TRAPPC9: variants seen among roughly 807,000 people sequenced by gnomAD.
TRAPPC9 encodes the protein trafficking protein particle complex subunit 9, also known as IKK2 binding protein.
In TRAPPC9, 83 loss-of-function variants were observed where a neutral mutation model predicts 124.0. The ratio of observed to expected loss-of-function variants is 0.67; its 90% CI spans 0.56 to 0.80. The LOEUF is 0.80. Ranked by LOEUF, TRAPPC9 falls within the 30% of genes least tolerant of loss-of-function variation. The pLI is 0.00. For missense variants in TRAPPC9, 1,302 were observed against 1,508.3 expected, an observed-to-expected ratio of 0.86 and a Z score of 2.27; for synonymous variants, 638 against 617.5, an observed-to-expected ratio of 1.03 and a Z score of -0.49.
In TRAPPC9 at chr8:139,937,044, TGG is replaced by T. The variant is rs879381265; in HGVS notation, c.2811-26746_2811-26745del. Among the ~76,000 whole-genome samples the T allele has an allele frequency of 6.0e-5, 8 of 133,478 alleles. 1 individual carries two copies. The highest frequency in any genetic ancestry group is 5.0e-4 in the South Asian group (2 of 4,012). 87.6% of individuals were successfully genotyped at this position (133,478 alleles called of 152,430 possible). ...AGTGTGGTATAAAGCATGGAGAGAG[TGG>T]GGAGTGGGCACTGCAGTGTGGTATA... On this transcript the variant is annotated intron_variant, in intron 19 of 22. Coordinates refer to ENST00000438773, the MANE Select transcript of TRAPPC9 (RefSeq NM_001160372.4).
rs114033076 is a variant in TRAPPC9, at chr8:140,353,456, C to G, written c.1495+6594G>C. ...GTAGCAGAGCCTACATATGGTTGAA[C>G]CTTACTCGCTCACCTGGGGCTTTTG... On this transcript the variant is annotated intron_variant, in intron 9 of 22. Transcript: ENST00000438773. The surrounding 1 kb of genome is among the most constrained non-coding windows in gnomAD (Gnocchi z 4.2). 0.037 allele frequency among the ~76,000 whole-genome samples: 5,596 copies of G among 152,286 alleles called. 218 individuals carry two copies. The highest frequency in any genetic ancestry group is 0.1 in the African/African-American group (4,187 of 41,530).
chr8:139,807,598 G>A (rs767563857), intron 21 of TRAPPC9, among the ~76,000 whole-genome samples: 14 of 152,196 alleles, frequency 9.2e-5, no homozygotes, highest in Non-Finnish European at 1.3e-4. Context: ...AACCACCGGC[G>A]GAGGCACTGC....
intron 17 of TRAPPC9, among the ~76,000 whole-genome samples, chr8:140,183,979 GGAGGGA>G (rs2062289639): frequency 7.6e-6 from 1 of 131,928 alleles, no homozygotes; most frequent in Non-Finnish European, 1.6e-5. Flanking sequence ...GGAGGAGGGA[GGAGGGA>G]GGAGGGAGGA....
At position 139,905,924 on chromosome 8, in the gene TRAPPC9, C is replaced by T. The variant is rs558051326; in HGVS notation, c.2964+4223G>A. ...TATGGCCAACATGGTGAAACTCTGTCTCTACTAAAATACAAAAAAATTAGC... is the reference window on the plus strand; with the variant it reads ...TATGGCCAACATGGTGAAACTCTGTTTCTACTAAAATACAAAAAAATTAGC... On this transcript the variant is annotated intron_variant, in intron 20 of 22. Coordinates refer to ENST00000438773, the MANE Select transcript of TRAPPC9 (RefSeq NM_001160372.4). 2.6e-5 allele frequency among the ~76,000 whole-genome samples: 4 copies of T among 151,906 alleles called. No individual in the cohort carries two copies. The East Asian group carries it at 7.8e-4, about 30-fold the overall frequency.
At chr8:140,355,844 G>C (rs1224235193) in intron 9 of TRAPPC9, among the ~76,000 whole-genome samples, 1 of 152,196 alleles carries the variant, frequency 6.6e-6, no homozygotes, top group Non-Finnish European at 1.5e-5. Context: ...TATATTAAAA[G>C]AGCCTCCAAT....
chr8:139,758,091 A>C (rs1336660986), intron 21 of TRAPPC9, among the ~76,000 whole-genome samples: 1 of 152,198 alleles, frequency 6.6e-6, no homozygotes, highest in East Asian at 1.9e-4. Context: ...AAAACAAATT[A>C]ATCTTTGTCT....
chr8:140,044,273 C>CAA lies in TRAPPC9; in HGVS notation c.2557-20196_2557-20195dup, dbSNP rs1224548746. ...CCAGAAGCAACAGAACAACAACGAC[C>CAA]AAAAAAAAAAAAAAAGAAAAATCAC... On this transcript the variant is annotated intron_variant, in intron 17 of 22. Coordinates refer to ENST00000438773, the MANE Select transcript of TRAPPC9 (RefSeq NM_001160372.4). Among the ~76,000 whole-genome samples the CAA allele has an allele frequency of 4.9e-3, 486 of 98,330 alleles. 9 individuals are homozygous for CAA. The highest frequency in any genetic ancestry group is 0.017 in the African/African-American group (435 of 25,228). 64.5% of individuals were successfully genotyped at this position (98,330 alleles called of 152,430 possible).
At chr8:139,743,968 G>A (rs985610695) in intron 21 of TRAPPC9, among the ~76,000 whole-genome samples, 6 of 152,170 alleles carry the variant, frequency 3.9e-5, no homozygotes, top group African/African-American at 1.4e-4. Context: ...AAAGCACCAT[G>A]TTGGCCTTCA....
At chr8:140,100,080 C>T (rs2060547504) in intron 17 of TRAPPC9, 1 of 150,374 alleles carries the variant, frequency 6.7e-6, no homozygotes. Flanking sequence ...TGACGCCCAC[C>T]CGGGTCCTCC....
intron 21 of TRAPPC9, among the ~76,000 whole-genome samples, chr8:139,834,411 C>T (rs1404484546): frequency 6.6e-6 from 1 of 152,218 alleles, no homozygotes; most frequent in East Asian, 1.9e-4. Flanking sequence ...AGGACAATGA[C>T]GTGTGTGTTC....
chr8:140,326,726 A>T (rs773872069), intron 9 of TRAPPC9, among the ~76,000 whole-genome samples: 2 of 152,102 alleles, frequency 1.3e-5, no homozygotes, highest in African/African-American at 2.4e-5. Flanking sequence ...TCAAAAAAAA[A>T]ATAAATTAGC....
At chr8:140,139,988 G>T (rs1197624099) in intron 17 of TRAPPC9, among the ~76,000 whole-genome samples, 1 of 152,170 alleles carries the variant, frequency 6.6e-6, no homozygotes, top group Non-Finnish European at 1.5e-5. Flanking sequence ...ATTTACTGAG[G>T]GAGTGGAATA....
At chr8:140,290,938 T>C in intron 12 of TRAPPC9, 55 bp downstream of exon 12, 2 of 1,430,112 alleles carry the variant, frequency 1.4e-6, no homozygotes, top group Admixed American at 3.3e-5. Context: ...AAAACCTACT[T>C]TAATGAGAAG....
intron 17 of TRAPPC9, among the ~76,000 whole-genome samples, chr8:140,183,957 G>GGGAGGGAGGAGGGA: frequency 1.9e-5 from 1 of 52,910 alleles, no homozygotes; most frequent in Non-Finnish European, 3.7e-5. Context: ...GAGAGGGGAG[G>GGGAGGGAGGAGGGA]GGAGGGAGGA....
intron 17 of TRAPPC9, among the ~76,000 whole-genome samples, chr8:140,074,106 G>C (rs1017194247): frequency 6.6e-6 from 1 of 152,146 alleles, no homozygotes; most frequent in African/African-American, 2.4e-5. Flanking sequence ...TCCCGATCAC[G>C]GACAAAATTC....
chr8:140,272,131 G>GATGGTGATGGTGATGGTGGCA (rs2064932226), intron 15 of TRAPPC9, among the ~76,000 whole-genome samples: 1 of 55,318 alleles, frequency 1.8e-5, no homozygotes, highest in South Asian at 7.0e-4. Context: ...TGATGGTGGC[G>GATGGTGATGGTGATGGTGGCA]ATGGTGATGG....
intron 17 of TRAPPC9, among the ~76,000 whole-genome samples, chr8:140,069,509 G>A (rs933871224): frequency 5.3e-5 from 8 of 151,028 alleles, no homozygotes; most frequent in African/African-American, 1.2e-4. Flanking sequence ...TTACTTGCAC[G>A]CAACTTATAA....
At chr8:140,313,833 G>C (rs1165464822) in intron 9 of TRAPPC9, among the ~76,000 whole-genome samples, 1 of 152,148 alleles carries the variant, frequency 6.6e-6, no homozygotes, top group Non-Finnish European at 1.5e-5. Flanking sequence ...GCTCCTGCTA[G>C]GGACAGGGAA....
chr8:140,247,662 T>C lies in TRAPPC9; in HGVS notation c.2431+5115A>G, dbSNP rs115900022. On this transcript the variant is annotated intron_variant, in intron 16 of 22. Transcript: ENST00000438773. Reference sequence around the variant, plus strand: ...CTTCTCTGGTGTCTCATAGCAGATATATGTATGTATATATGTATGCATGCA... The same window carrying C: ...CTTCTCTGGTGTCTCATAGCAGATACATGTATGTATATATGTATGCATGCA... Among the ~76,000 whole-genome samples the C allele has an allele frequency of 1.1e-3, 173 of 152,298 alleles. 1 individual carries two copies. The highest frequency in any genetic ancestry group is 4.0e-3 in the African/African-American group (168 of 41,572).
Sources: allele counts gnomAD v4.1 joint callset (sites outside exome capture counted in the v4.1 genomes callset), GRCh38; gene constraint gnomAD v4.1.1; non-coding constraint Gnocchi (gnomAD v3.1); transcripts MANE v1.5; gene names NCBI Gene and HGNC (gene_info 2026-07-23, HGNC 2026-07-21).